The following TSGA10 variants were observed in gnomAD, a reference collection of about 807,000 sequenced individuals.
TSGA10 encodes the protein testis specific 10.
Under a neutral mutation model 96.6 loss-of-function variants are expected in TSGA10, and 43 were observed. That is an observed-to-expected ratio of 0.44 (90% CI 0.35 to 0.57). TSGA10 has a LOEUF of 0.57. Ranked by LOEUF, TSGA10 falls within the 20% of genes least tolerant of loss-of-function variation. TSGA10 has a pLI of 0.01. For missense variants in TSGA10, 703 were observed against 834.4 expected, an observed-to-expected ratio of 0.84 and a Z score of 1.94; for synonymous variants, 229 against 269.9, an observed-to-expected ratio of 0.85 and a Z score of 1.48.
chr2:99,027,017 C>T (rs898934050), intron 17 of TSGA10, among the ~76,000 whole-genome samples: 12 of 152,152 alleles, frequency 7.9e-5, no homozygotes, highest in African/African-American at 2.2e-4. Context: ...CCCTTGCATG[C>T]GCAGTTCACA....
intron 1 of TSGA10, among the ~76,000 whole-genome samples, chr2:99,154,060 T>C (rs1234968836): frequency 2.0e-5 from 3 of 152,256 alleles, no homozygotes; most frequent in African/African-American, 7.2e-5. Flanking sequence ...GCTGAGGCGC[T>C]GCTTCCAAGA....
chr2:99,069,649 A>ATAAATAAATAAATAAAT (rs1485118461), intron 14 of TSGA10, among the ~76,000 whole-genome samples: 5 of 151,052 alleles, frequency 3.3e-5, no homozygotes, highest in African/African-American at 1.2e-4. Flanking sequence ...AAATAAATAA[A>ATAAATAAATAAATAAAT]TAAATAAATA....
chr2:99,152,667 T>C (rs1395395617), intron 1 of TSGA10, among the ~76,000 whole-genome samples: 3 of 152,158 alleles, frequency 2.0e-5, no homozygotes, highest in Admixed American at 6.5e-5. Flanking sequence ...ATTTATAGCT[T>C]TTGCAGTGAC....
intron 11 of TSGA10, among the ~76,000 whole-genome samples, chr2:99,080,045 T>TA (rs2087250638): frequency 6.6e-6 from 1 of 152,118 alleles, no homozygotes; most frequent in South Asian, 2.1e-4. Flanking sequence ...TCTCCTAGCT[T>TA]AAAAAAATTA....
chr2:99,098,665 C>A (rs13425203), intron 10 of TSGA10, among the ~76,000 whole-genome samples: 18 of 151,730 alleles, frequency 1.2e-4, no homozygotes, highest in African/African-American at 4.4e-4. Context: ...CTAATAATAA[C>A]CACCAACTGC....
intron 9 of TSGA10, 92 bp from the exon 10 acceptor site, chr2:99,104,210 A>G: frequency 7.2e-7 from 1 of 1,397,328 alleles, no homozygotes; most frequent in Non-Finnish European, 9.8e-7. Context: ...AAACTGGTTT[A>G]TGGCAAGACT....
At chr2:99,003,134 G>A (rs552338378) in intron 20 of TSGA10, among the ~76,000 whole-genome samples, 12 of 152,158 alleles carry the variant, frequency 7.9e-5, no homozygotes, top group African/African-American at 1.2e-4. Context: ...TGGGATTATA[G>A]GCGTAAGCTA....
intron 12 of TSGA10, among the ~76,000 whole-genome samples, chr2:99,076,107 T>C (rs2086673065): frequency 6.6e-6 from 1 of 152,166 alleles, no homozygotes; most frequent in Non-Finnish European, 1.5e-5. Flanking sequence ...ATATTTCACC[T>C]ACATAACCCA....
chr2:99,109,585 TA>T (rs2104845727), intron 5 of TSGA10, 73 bp from the exon 6 acceptor site: 1 of 1,258,764 alleles, frequency 7.9e-7, no homozygotes, highest in East Asian at 2.7e-5. Context: ...ATTAGACCAT[TA>T]TTTCAAGCTA....
At chr2:99,024,423 C>T (rs1466642318) in intron 17 of TSGA10, among the ~76,000 whole-genome samples, 2 of 152,002 alleles carry the variant, frequency 1.3e-5, no homozygotes, top group African/African-American at 4.8e-5. Context: ...CTTTTTGATG[C>T]AATTCCGTTT....
intron 16 of TSGA10, among the ~76,000 whole-genome samples, chr2:99,060,740 A>T (rs1339497604): frequency 6.6e-6 from 1 of 152,160 alleles, no homozygotes; most frequent in Non-Finnish European, 1.5e-5. Flanking sequence ...CTAAGGATAG[A>T]TGTATACCCA....
chr2:99,112,222 A>G (rs1270397792), intron 4 of TSGA10, among the ~76,000 whole-genome samples: 1 of 152,188 alleles, frequency 6.6e-6, no homozygotes, highest in Middle Eastern at 3.2e-3. Context: ...GTAATGAATA[A>G]AAAAGGTAAA....
chr2:99,107,619 T>C (rs920928449), intron 7 of TSGA10, among the ~76,000 whole-genome samples: 10 of 152,172 alleles, frequency 6.6e-5, no homozygotes, highest in Non-Finnish European at 1.5e-4. Context: ...GAAATATTTT[T>C]GCATTTTTAA....
intron 16 of TSGA10, among the ~76,000 whole-genome samples, chr2:99,043,182 T>C (rs1184069025): frequency 1.3e-5 from 2 of 152,026 alleles, no homozygotes. Context: ...AAAAAATATA[T>C]AAATCATTTT....
chr2:99,085,634 A>AAAAAAAAAAAAAT (rs2088213947), intron 10 of TSGA10, among the ~76,000 whole-genome samples: 1 of 147,704 alleles, frequency 6.8e-6, no homozygotes, highest in Non-Finnish European at 1.5e-5. Flanking sequence ...AAAAAAAAAA[A>AAAAAAAAAAAAAT]GTTGTTTTTT....
chr2:99,043,027 G>C (rs903087191), intron 16 of TSGA10, among the ~76,000 whole-genome samples: 49 of 151,984 alleles, frequency 3.2e-4, no homozygotes, highest in African/African-American at 1.1e-3. Flanking sequence ...AGATTGAGGA[G>C]AACACATTTT....
chr2:99,104,046 C>T lies in TSGA10; in HGVS notation c.532G>A (p.Glu178Lys), dbSNP rs2091064436. 2 of 1,614,016 alleles carry T rather than the reference C, an allele frequency of 1.2e-6. No individual in the cohort carries two copies. Among genetic ancestry groups the T allele is most frequent in the Non-Finnish European group, 1.7e-6 (2 of 1,179,972 alleles). The change falls in exon 10 of 21, where the codon GAA becomes AAA. Residue 178 changes from glutamate to lysine, a missense_variant. Physicochemically the swap from Glu to Lys is moderately conservative, Grantham distance 56. This residue lies in a region of TSGA10 where 585 missense variants were observed against 656.8 expected (regional missense o/e 0.89). Transcript: ENST00000393483. ...GCCTTTCTTGCTAGTGATTTCATTT[C>T]TTTTTCCACAGTGCTTATGGTTTCC... is the stretch of plus-strand genomic sequence containing the variant. ...MKETISTVEK[E>K]MKSLARKAMD...
intron 12 of TSGA10, among the ~76,000 whole-genome samples, chr2:99,076,814 CCCTGACTACTATCTAGTCATTCT>C (rs1185182070): frequency 5.3e-5 from 8 of 152,118 alleles, no homozygotes; most frequent in Admixed American, 2.6e-4. Context: ...TGTCTTCTTT[CCCTGACTACTATCTAGTCATTCT>C]CCTGACTACT....
intron 1 of TSGA10, chr2:99,150,521 T>C: frequency 6.3e-7 from 1 of 1,596,790 alleles, no homozygotes. Flanking sequence ...CTTAAAAAGG[T>C]ACCTGCAAAT....
Sources: gnomAD v4.1 joint callset for allele counts (sites outside exome capture counted in the v4.1 genomes callset) on GRCh38, gnomAD v4.1.1 for gene constraint, gnomAD v4.1.1 regional missense constraint, MANE v1.5 for transcripts, NCBI Gene and HGNC (gene_info 2026-07-23, HGNC 2026-07-21) for gene names.